The following PCDH15 variants were observed in gnomAD, a reference collection of about 807,000 sequenced individuals.
The protein encoded by PCDH15 is protocadherin related 15.
PCDH15 carries 129 observed loss-of-function variants against 178.5 expected under a neutral mutation model. The ratio of observed to expected loss-of-function variants is 0.72; its 90% confidence interval spans 0.63 to 0.84. The LOEUF (loss-of-function observed/expected upper bound fraction) is 0.84, where lower values mean the gene tolerates loss of function less well. PCDH15 is among the 40% of genes least tolerant of loss of function. The pLI, the probability that PCDH15 is intolerant of heterozygous loss-of-function variation, is 0.00. For synonymous variants in PCDH15, 800 were observed against 732.0 expected, an observed-to-expected ratio of 1.09 and a Z score of -1.50; for missense variants, 2,230 against 2,099.9, an observed-to-expected ratio of 1.06 and a Z score of -1.21.
At chr10:55,036,193 T>C (rs1256586558) in intron 2 of PCDH15, among the ~76,000 whole-genome samples, 1 of 152,124 alleles carries the variant, frequency 6.6e-6, no homozygotes, top group Non-Finnish European at 1.5e-5. Flanking sequence ...CGCCATGAGA[T>C]GATGAAGCAA....
chr10:55,267,042 T>G (rs1842317142), intron 1 of PCDH15, among the ~76,000 whole-genome samples: 1 of 151,808 alleles, frequency 6.6e-6, no homozygotes, highest in Non-Finnish European at 1.5e-5. Flanking sequence ...CAAGCTGCAC[T>G]ACCATCGCAT....
chr10:54,029,466 AT>A (rs1294053273), intron 18 of PCDH15, among the ~76,000 whole-genome samples: 2 of 152,132 alleles, frequency 1.3e-5, no homozygotes, highest in Non-Finnish European at 2.9e-5. Context: ...ATGGGGCCTG[AT>A]TTGTGGCTAC....
At chr10:54,574,346 C>T (rs1242328101) in intron 2 of PCDH15, among the ~76,000 whole-genome samples, 2 of 149,488 alleles carry the variant, frequency 1.3e-5, no homozygotes, top group Admixed American at 6.7e-5. Flanking sequence ...AGATATGTGG[C>T]GTTATTTCTG....
rs4007202 is a variant in PCDH15 at position 54,873,562 on chromosome 10, ATG to A, written c.-29+23886_-29+23887del. Among the ~76,000 whole-genome samples, 8 of 143,902 alleles carry A rather than the reference ATG, an allele frequency of 5.6e-5. No homozygotes were observed. In the East Asian group the frequency reaches 6.0e-4, roughly 11 times the overall value. 94.4% of individuals were successfully genotyped at this position (143,902 alleles called of 152,430 possible). The stretch of plus-strand genomic sequence containing the variant: ...TATATGTATGTGTATACATATACGT[ATG>A]TGTGTGTGTGTATATATATATATGT... On this transcript the variant is annotated intron_variant, in intron 3 of 5. Transcript: ENST00000458638.
At chr10:55,522,656 A>G (rs930192549) in intron 2 of PCDH15, among the ~76,000 whole-genome samples, 1 of 151,638 alleles carries the variant, frequency 6.6e-6, no homozygotes, top group Non-Finnish European at 1.5e-5. Flanking sequence ...TAGTTTACCC[A>G]TTTGCATAAA....
rs114566816 is a variant in PCDH15, at chr10:54,920,047, T to C, written c.-79-22547A>G. On this transcript the variant is annotated intron_variant, in intron 2 of 5. Coordinates refer to the PCDH15 transcript ENST00000458638. ...TGTATTTATTCTTCCATCTAATACA[T>C]GATTAATAATGATCTATACTCCTCT... is the stretch of plus-strand genomic sequence containing the variant. Among the ~76,000 whole-genome samples the C allele has an allele frequency of 8.7e-3, 1,327 of 152,310 alleles. 16 individuals carry two copies. The highest frequency in any genetic ancestry group is 0.03 in the African/African-American group (1,237 of 41,572).
chr10:55,011,728 A>T (rs1323224986), intron 2 of PCDH15, among the ~76,000 whole-genome samples: 1 of 152,152 alleles, frequency 6.6e-6, no homozygotes, highest in Non-Finnish European at 1.5e-5. Flanking sequence ...GATGTCAATA[A>T]GAGGAGTGGA....
chr10:54,662,398 C>G (rs1395285631), intron 2 of PCDH15, among the ~76,000 whole-genome samples: 2 of 151,760 alleles, frequency 1.3e-5, no homozygotes, highest in East Asian at 3.9e-4. Context: ...CATATATATC[C>G]TCAAATTCAA....
chr10:54,142,622 T>C lies in PCDH15; in HGVS notation c.1785-9615A>G, dbSNP rs533610300. 5.3e-5 allele frequency among the ~76,000 whole-genome samples: 8 copies of C among 152,302 alleles called. No individual in the cohort carries two copies. In the East Asian group the frequency reaches 1.5e-3, roughly 29 times the overall value. Reference sequence around the variant, plus strand: ...AGAATAACAGGGTTTTCTTGGTGCATTGATCTGCTCTTTAATAGATAATCG... The same window carrying C: ...AGAATAACAGGGTTTTCTTGGTGCACTGATCTGCTCTTTAATAGATAATCG... On this transcript the variant is annotated intron_variant, in intron 14 of 37. Transcript: ENST00000644397.
chr10:54,988,659 C>A (rs775129245), intron 2 of PCDH15, among the ~76,000 whole-genome samples: 1 of 152,064 alleles, frequency 6.6e-6, no homozygotes. Flanking sequence ...GGGCATCTGG[C>A]AGAAGAAATT....
chr10:55,383,535 C>G (rs1837586398), intron 2 of PCDH15, among the ~76,000 whole-genome samples: 1 of 152,118 alleles, frequency 6.6e-6, no homozygotes, highest in African/African-American at 2.4e-5. Context: ...TGCCTCCTGT[C>G]TGTATCAATA....
Position 54,351,576 on chromosome 10 carries a change from C to G in PCDH15, c.475-5092G>C, listed in dbSNP as rs1944189659. 2.0e-5 allele frequency among the ~76,000 whole-genome samples: 3 copies of G among 152,060 alleles called. No individual in the cohort carries two copies. In the South Asian group the frequency reaches 6.2e-4, roughly 31 times the overall value. Reference sequence around the variant, plus strand: ...CACAATTTCTTCATATTTTAATATACTAAATCCTCTACAAGGCCTCTATAC... The same window carrying G: ...CACAATTTCTTCATATTTTAATATAGTAAATCCTCTACAAGGCCTCTATAC... On this transcript the variant is annotated intron_variant, in intron 5 of 37. Transcript: ENST00000644397.
chr10:54,043,516 T>A (rs2093593838), intron 18 of PCDH15, among the ~76,000 whole-genome samples: 1 of 152,022 alleles, frequency 6.6e-6, no homozygotes, highest in Admixed American at 6.6e-5. Context: ...ACCTCCTGAA[T>A]AGCTGGGACT....
intron 2 of PCDH15, among the ~76,000 whole-genome samples, chr10:54,995,195 T>C (rs1591825158): frequency 6.6e-6 from 1 of 151,948 alleles, no homozygotes; most frequent in African/African-American, 2.4e-5. Context: ...GCTAACACGG[T>C]GAAACCCTGT....
intron 8 of PCDH15, among the ~76,000 whole-genome samples, chr10:54,268,483 T>C (rs1026798626): frequency 6.6e-6 from 1 of 151,788 alleles, no homozygotes; most frequent in African/African-American, 2.4e-5. Context: ...ATTGCAAATA[T>C]GAAATAGCAA....
At chr10:54,774,500 AAAG>A (rs1949479826) in intron 1 of PCDH15, among the ~76,000 whole-genome samples, 1 of 152,220 alleles carries the variant, frequency 6.6e-6, no homozygotes, top group African/African-American at 2.4e-5. Flanking sequence ...TACATTTAAA[AAAG>A]AATAGACACA....
At chr10:54,169,368 C>A (rs1254436924) in intron 13 of PCDH15, among the ~76,000 whole-genome samples, 1 of 126,352 alleles carries the variant, frequency 7.9e-6, no homozygotes, top group East Asian at 2.0e-4. Context: ...TTTTCAAGGG[C>A]CTGTTTCCCT....
chr10:54,854,971 A>T (rs560972493), intron 3 of PCDH15, among the ~76,000 whole-genome samples: 16 of 152,332 alleles, frequency 1.1e-4, no homozygotes, highest in African/African-American at 3.8e-4. Flanking sequence ...CCTGCAGGCC[A>T]GTTCCAAGCT....
chr10:54,461,178 A>AT (rs2136459055), intron 3 of PCDH15, among the ~76,000 whole-genome samples: 1 of 152,232 alleles, frequency 6.6e-6, no homozygotes, highest in South Asian at 2.1e-4. Context: ...TAAGTGAATA[A>AT]TAAAGAAAAT....
Sources: gnomAD v4.1 joint callset for allele counts (sites outside exome capture counted in the v4.1 genomes callset) on GRCh38, gnomAD v4.1.1 for gene constraint, MANE v1.5 for transcripts, NCBI Gene and HGNC (gene_info 2026-07-23, HGNC 2026-07-21) for gene names.